The following FGF13 variants were observed in gnomAD, a reference collection of about 807,000 sequenced individuals.
FGF13 encodes the protein fibroblast growth factor 13.
In FGF13, 2 loss-of-function variants were observed where a neutral mutation model predicts 19.5. The observed-to-expected ratio is 0.10, with a 90% confidence interval of 0.04 to 0.32. The LOEUF (loss-of-function observed/expected upper bound fraction) is 0.32, where lower values mean the gene tolerates loss of function less well. Ranked by LOEUF, FGF13 falls within the 10% of genes least tolerant of loss-of-function variation. FGF13 has a pLI of 1.00. For synonymous variants in FGF13, 72 were observed against 76.9 expected (o/e 0.94, Z 0.33); for missense variants, 113 against 192.7 (o/e 0.59, Z 2.45).
At chrX:138,734,874 A>G (rs781575742) in intron 1 of FGF13, among the ~76,000 whole-genome samples, 1 of 111,783 alleles carries the variant, frequency 8.9e-6, no homozygotes, top group Non-Finnish European at 1.9e-5. Context: ...CAGAGAGAGC[A>G]CTGCATAGAT....
intron 3 of FGF13, among the ~76,000 whole-genome samples, chrX:138,768,422 C>T (rs190268649): frequency 9.1e-6 from 1 of 110,051 alleles, no homozygotes; most frequent in East Asian, 2.9e-4. Context: ...GGGTTAGTGA[C>T]CACAGTGGCT....
chrX:138,728,581 C>T (rs1378652928), intron 1 of FGF13, among the ~76,000 whole-genome samples: 1 of 110,864 alleles, frequency 9.0e-6, no homozygotes, highest in Non-Finnish European at 1.9e-5. Context: ...AACCCTCCCA[C>T]ACTCTAGGCT....
intron 3 of FGF13, among the ~76,000 whole-genome samples, chrX:138,650,047 A>G (rs142904393): frequency 0.013 from 1,427 of 112,266 alleles, 16 homozygotes; most frequent in African/African-American, 0.042. Context: ...TTGGAATAGC[A>G]TGTGCCTTCT....
chrX:138,884,923 T>A (rs779745986), intron 1 of FGF13, among the ~76,000 whole-genome samples: 30 of 111,877 alleles, frequency 2.7e-4, no homozygotes, highest in Non-Finnish European at 5.1e-4. Context: ...TAGAAAGACA[T>A]TCACAGATGT....
intron 1 of FGF13, among the ~76,000 whole-genome samples, chrX:139,189,384 C>T (rs954206924): frequency 2.9e-4 from 32 of 111,628 alleles, no homozygotes; most frequent in African/African-American, 1.0e-3. Context: ...ATGAAAGCAA[C>T]CCAAGTTTCC....
At chrX:138,766,854 G>A (rs1026495666) in intron 3 of FGF13, among the ~76,000 whole-genome samples, 4 of 112,044 alleles carry the variant, frequency 3.6e-5, no homozygotes, top group African/African-American at 1.3e-4. Context: ...TATGGTGAAG[G>A]GTAGTGGTCC....
chrX:138,926,220 T>A (rs74686386), intron 1 of FGF13, among the ~76,000 whole-genome samples: 1 of 111,858 alleles, frequency 8.9e-6, no homozygotes, highest in African/African-American at 3.3e-5. Context: ...CTCTTTAATG[T>A]TGCCTGCCAA....
intron 1 of FGF13, among the ~76,000 whole-genome samples, chrX:138,979,373 A>T (rs1337376175): frequency 9.0e-6 from 1 of 110,939 alleles, no homozygotes; most frequent in Non-Finnish European, 1.9e-5. Context: ...ACAACAAAAT[A>T]AGGGAGGAGT....
At chrX:139,168,323 A>C in intron 1 of FGF13, among the ~76,000 whole-genome samples, 1 of 112,001 alleles carries the variant, frequency 8.9e-6, no homozygotes, top group Non-Finnish European at 1.9e-5. Context: ...TAGATCTTTC[A>C]GAAAGTCAAT....
intron 1 of FGF13, among the ~76,000 whole-genome samples, chrX:138,933,603 G>A (rs1047226281): frequency 8.9e-6 from 1 of 112,433 alleles, no homozygotes; most frequent in Non-Finnish European, 1.9e-5. Context: ...GGTCACTCTG[G>A]TTGAATAACA....
At chrX:139,024,604 T>C (rs1044104288) in intron 1 of FGF13, among the ~76,000 whole-genome samples, 2 of 111,982 alleles carry the variant, frequency 1.8e-5, no homozygotes, top group Admixed American at 1.9e-4. Context: ...ATTCTCGTTG[T>C]GTGTTCTGGA....
At chrX:139,063,632 A>G (rs1190055769) in intron 1 of FGF13, among the ~76,000 whole-genome samples, 7 of 111,680 alleles carry the variant, frequency 6.3e-5, no homozygotes, top group Non-Finnish European at 1.1e-4. Flanking sequence ...TACTGAGTTG[A>G]CAATAAGGTT....
At chrX:138,934,048 T>C (rs915829910) in intron 1 of FGF13, among the ~76,000 whole-genome samples, 1 of 112,363 alleles carries the variant, frequency 8.9e-6, no homozygotes, top group Non-Finnish European at 1.9e-5. Flanking sequence ...TTTACTTTTC[T>C]AAATGAAAAA....
intron 3 of FGF13, among the ~76,000 whole-genome samples, chrX:138,748,957 T>G (rs185217395): frequency 2.1e-4 from 24 of 111,744 alleles, no homozygotes; most frequent in Admixed American, 6.6e-4. Context: ...GTTTAACAAG[T>G]GTCTAATCTG....
At chrX:139,110,401 A>G (rs1013640460) in intron 1 of FGF13, among the ~76,000 whole-genome samples, 7 of 110,308 alleles carry the variant, frequency 6.3e-5, no homozygotes, top group South Asian at 8.1e-4. Context: ...AAGATAATTG[A>G]ATCACGGGGG....
rs773625454 is a variant in FGF13 at position 138,630,105 on chromosome X, CTATT to C, written c.*2741_*2744del. ...CATCACTTGTAGGAAGGTTTGAGGACTATTTATTTACTTATTAATTTATTTTAAC... is the reference window on the plus strand; with the variant it reads ...CATCACTTGTAGGAAGGTTTGAGGACTATTTACTTATTAATTTATTTTAAC... On this transcript the variant is annotated 3_prime_UTR_variant, in exon 5 of 5. Transcript: ENST00000315930. The C allele has an allele frequency of 5.4e-5, 6 of 110,384 alleles. No homozygotes were observed. The highest frequency in any genetic ancestry group is 1.3e-4 in the African/African-American group (4 of 30,338). 9.1% of individuals were successfully genotyped at this position (110,384 alleles called of 1,213,427 possible).
chrX:139,119,165 G>A (rs887430171), intron 1 of FGF13, among the ~76,000 whole-genome samples: 3 of 111,901 alleles, frequency 2.7e-5, no homozygotes, highest in South Asian at 3.8e-4. Flanking sequence ...CTGCACTCCC[G>A]TCTGGACAAC....
chrX:138,871,305 A>C (rs2091356002), intron 1 of FGF13, among the ~76,000 whole-genome samples: 1 of 112,043 alleles, frequency 8.9e-6, no homozygotes. Context: ...CATTCTTCCA[A>C]CAAATATTTA....
At chrX:138,924,471 C>T (rs2124248460) in intron 1 of FGF13, among the ~76,000 whole-genome samples, 1 of 111,866 alleles carries the variant, frequency 8.9e-6, no homozygotes, top group South Asian at 3.7e-4. Context: ...TGACATGATA[C>T]AGGAGTAAAA....
Sources: gnomAD v4.1 joint callset for allele counts (sites outside exome capture counted in the v4.1 genomes callset) on GRCh38, gnomAD v4.1.1 for gene constraint, MANE v1.5 for transcripts, NCBI Gene and HGNC (gene_info 2026-07-23, HGNC 2026-07-21) for gene names.